Variants in INTS6 observed in about 807,000 individuals in gnomAD.
INTS6 encodes the protein integrator complex subunit 6, also known as DEAD box protein.
In INTS6, 16 loss-of-function variants were observed where a neutral mutation model predicts 104.9. The ratio of observed to expected loss-of-function variants is 0.15; its 90% CI spans 0.10 to 0.23. The LOEUF (loss-of-function observed/expected upper bound fraction) is 0.23. Among genes scored for constraint, INTS6 ranks in the 10% least tolerant of loss-of-function variants. INTS6 has a pLI of 1.00. For missense variants in INTS6, 584 were observed against 1,062.8 expected (o/e 0.55, Z 6.26); for synonymous variants, 324 against 358.7 (o/e 0.90, Z 1.09).
At chr13:51,374,547 A>T in intron 14 of INTS6, 107 bp downstream of exon 14, 3 of 1,506,950 alleles carry the variant, frequency 2.0e-6, no homozygotes, top group Non-Finnish European at 2.7e-6. Context: ...TATTTATTAG[A>T]TACTCTACCA....
chr13:51,429,003 A>G (rs1160821132), intron 4 of INTS6, among the ~76,000 whole-genome samples: 1 of 152,188 alleles, frequency 6.6e-6, no homozygotes, highest in Non-Finnish European at 1.5e-5. Context: ...AAGTACCTTC[A>G]TATACATTAT....
At chr13:51,382,155 T>C (rs989510903) in intron 9 of INTS6, 32 bp from the exon 10 acceptor site, 1 of 1,339,210 alleles carries the variant, frequency 7.5e-7, no homozygotes, top group Non-Finnish European at 1.1e-6. Flanking sequence ...AAACTATCAC[T>C]ACTCATTATT....
intron 3 of INTS6, chr13:51,355,042 G>T: frequency 6.7e-7 from 1 of 1,490,962 alleles, no homozygotes; most frequent in Non-Finnish European, 9.2e-7. Flanking sequence ...TTGCCTTTTA[G>T]GTTTAGGATC....
chr13:51,340,805 C>T, the INTS6 span: 1 of 513,582 alleles, frequency 1.9e-6, no homozygotes, highest in Non-Finnish European at 3.5e-6. Flanking sequence ...AGTCACACAT[C>T]CAGTAAGTGG....
rs1953078571 is a variant in INTS6, at chr13:51,452,301, C to A, written c.111+114G>T. On this transcript the variant is annotated intron_variant, in intron 1 of 17. Transcript: ENST00000311234. The surrounding 1 kb of genome is among the most constrained non-coding windows in gnomAD (Gnocchi z 4.2). ...CGCGGTGGGGGAGGGGGTCCCCGAG[C>A]CCGGCAGCTCCCGCAGTCAGGTCCC... The A allele has an allele frequency of 1.7e-5, 19 of 1,094,744 alleles. No homozygotes were observed. The highest frequency in any genetic ancestry group is 3.4e-6 in the Non-Finnish European group (3 of 880,818). 67.8% of individuals were successfully genotyped at this position (1,094,744 alleles called of 1,614,324 possible).
chr13:51,449,344 G>T (rs1270954768), intron 3 of INTS6: 1 of 417,194 alleles, frequency 2.4e-6, no homozygotes, highest in Non-Finnish European at 3.2e-6. Flanking sequence ...CACCTTTCCC[G>T]CAAACTTTTG....
chr13:51,450,629 C>T (rs990180059), intron 3 of INTS6: 2 of 986,844 alleles, frequency 2.0e-6, no homozygotes, highest in Non-Finnish European at 1.2e-6. Flanking sequence ...AGATTAATTT[C>T]CTCTAACATC....
At chr13:51,393,697 T>C (rs1593700228) in intron 5 of INTS6, among the ~76,000 whole-genome samples, 1 of 152,320 alleles carries the variant, frequency 6.6e-6, no homozygotes. Flanking sequence ...TTCTGCATCA[T>C]TGAAAGATAT....
intron 4 of INTS6, among the ~76,000 whole-genome samples, chr13:51,400,952 C>T (rs1412066290): frequency 6.6e-6 from 1 of 152,040 alleles, no homozygotes; most frequent in Admixed American, 6.5e-5. Context: ...TTTTATATTC[C>T]TTATTCTTAT....
chr13:51,389,258 G>A, intron 6 of INTS6, 61 bp downstream of exon 6: 2 of 1,570,494 alleles, frequency 1.3e-6, no homozygotes, highest in East Asian at 2.3e-5. Context: ...TAAGTTTTCA[G>A]TTCTAGTTGA....
At chr13:51,344,479 A>G in the INTS6 span, 1 of 1,573,200 alleles carries the variant, frequency 6.4e-7, no homozygotes, top group Non-Finnish European at 8.6e-7. Context: ...CTCCAGAGAG[A>G]CTGCAGGTAA....
At chr13:51,433,776 T>C (rs1957138839) in intron 3 of INTS6, among the ~76,000 whole-genome samples, 1 of 152,350 alleles carries the variant, frequency 6.6e-6, no homozygotes, top group African/African-American at 2.4e-5. Flanking sequence ...TAGTTGAAAC[T>C]TGACTAGTCT....
chr13:51,419,198 G>C (rs1315514999), intron 4 of INTS6, among the ~76,000 whole-genome samples: 1 of 152,092 alleles, frequency 6.6e-6, no homozygotes, highest in Admixed American at 6.5e-5. Flanking sequence ...GAAAACAGAT[G>C]AGGTGCCAAA....
chr13:51,409,263 AAATAATAATAATAATAATAATAATAAT>A (rs57913744), intron 4 of INTS6, among the ~76,000 whole-genome samples: 3 of 135,946 alleles, frequency 2.2e-5, no homozygotes, highest in South Asian at 4.8e-4. Flanking sequence ...AATCCGTCTC[AAATAATAATAATAATAATAATAATAAT>A]AATAATAATA....
chr13:51,417,031 A>G (rs1956800007), intron 4 of INTS6, among the ~76,000 whole-genome samples: 1 of 152,220 alleles, frequency 6.6e-6, no homozygotes. Context: ...TCTCTGGAGA[A>G]ATGTCTAATC....
chr13:51,337,698 C>A, the INTS6 span, among the ~76,000 whole-genome samples: 1 of 152,218 alleles, frequency 6.6e-6, no homozygotes, highest in African/African-American at 2.4e-5. Flanking sequence ...AATGATAATA[C>A]ATTCCTCATA....
chr13:51,366,940 A>C (rs1170812693), intron 17 of INTS6, among the ~76,000 whole-genome samples: 6 of 152,010 alleles, frequency 3.9e-5, no homozygotes, highest in Non-Finnish European at 7.4e-5. Context: ...ATGTTTTTAA[A>C]CTCATACAAC....
the INTS6 span, among the ~76,000 whole-genome samples, chr13:51,344,722 G>A: frequency 4.6e-5 from 7 of 151,322 alleles, no homozygotes; most frequent in South Asian, 2.1e-4. Context: ...ACACACACAC[G>A]AGCCACAAGA....
At chr13:51,391,663 C>T (rs1049589089) in intron 5 of INTS6, among the ~76,000 whole-genome samples, 1 of 152,088 alleles carries the variant, frequency 6.6e-6, no homozygotes, top group Non-Finnish European at 1.5e-5. Flanking sequence ...AGCTGTCTCA[C>T]TTTGGGTTAT....
Sources: gnomAD v4.1 joint callset for allele counts (sites outside exome capture counted in the v4.1 genomes callset) on GRCh38, gnomAD v4.1.1 for gene constraint, Gnocchi (gnomAD v3.1) non-coding constraint, MANE v1.5 for transcripts, NCBI Gene and HGNC (gene_info 2026-07-23, HGNC 2026-07-21) for gene names.